The following MYO1B variants were observed in gnomAD, a reference collection of about 807,000 sequenced individuals.
MYO1B encodes the protein myosin IB.
In MYO1B, 72 loss-of-function variants were observed where a neutral mutation model predicts 159.7. The observed-to-expected ratio is 0.45, with a 90% confidence interval of 0.37 to 0.55. The LOEUF is 0.55. Among genes scored for constraint, MYO1B ranks in the 20% least tolerant of loss-of-function variants. The pLI is 0.00. For missense variants in MYO1B, 1,062 were observed against 1,364.8 expected, an observed-to-expected ratio of 0.78 and a Z score of 3.50; for synonymous variants, 468 against 473.8, an observed-to-expected ratio of 0.99 and a Z score of 0.16.
chr2:191,359,235 A>AT (rs372833964), intron 7 of MYO1B, among the ~76,000 whole-genome samples: 1 of 150,024 alleles, frequency 6.7e-6, no homozygotes, highest in Admixed American at 6.6e-5. Flanking sequence ...GAAACATTCC[A>AT]TTTTTTAGAG....
At chr2:191,259,239 C>T (rs1023386136) in intron 1 of MYO1B, among the ~76,000 whole-genome samples, 1 of 152,132 alleles carries the variant, frequency 6.6e-6, no homozygotes, top group African/African-American at 2.4e-5. Context: ...CCGTGGGCTG[C>T]AAGCATAATA....
At chr2:191,406,706 A>G (rs1489985231) in intron 24 of MYO1B, among the ~76,000 whole-genome samples, 1 of 152,220 alleles carries the variant, frequency 6.6e-6, no homozygotes. Context: ...AAATATTGTG[A>G]GAATTATCAA....
At chr2:191,328,430 C>T (rs1183454878) in intron 3 of MYO1B, among the ~76,000 whole-genome samples, 9 of 152,182 alleles carry the variant, frequency 5.9e-5, no homozygotes, top group Admixed American at 5.9e-4. Context: ...TGCAAAGGTG[C>T]TTTATCCCAG....
chr2:191,270,815 G>T (rs1157427325), intron 1 of MYO1B, among the ~76,000 whole-genome samples: 5 of 152,194 alleles, frequency 3.3e-5, no homozygotes, highest in East Asian at 1.9e-4. Context: ...TAGTGATCTT[G>T]TTGGGAGCCA....
At chr2:191,364,371 C>T (rs1264720105) in intron 11 of MYO1B, 95 bp downstream of exon 11, 2 of 966,644 alleles carry the variant, frequency 2.1e-6, no homozygotes, top group Non-Finnish European at 1.6e-6. Flanking sequence ...CAGGCTGTTA[C>T]CTGAATCGTA....
At chr2:191,360,264 T>G (rs899520355) in intron 7 of MYO1B, among the ~76,000 whole-genome samples, 1 of 152,240 alleles carries the variant, frequency 6.6e-6, no homozygotes, top group Non-Finnish European at 1.5e-5. Context: ...TTTATTAAAA[T>G]TACTAGGTAG....
At chr2:191,402,197 G>C (rs1297208751) in intron 23 of MYO1B, 2 of 159,892 alleles carry the variant, frequency 1.3e-5, no homozygotes, top group Non-Finnish European at 2.8e-5. Context: ...TCCATCCAAA[G>C]GGATGAACTC....
intron 30 of MYO1B, among the ~76,000 whole-genome samples, chr2:191,420,299 G>T (rs1463499861): frequency 6.6e-6 from 1 of 152,116 alleles, no homozygotes; most frequent in Admixed American, 6.5e-5. Flanking sequence ...ATTGAAGAAA[G>T]AAAAAATTAC....
Position 191,254,264 on chromosome 2 carries a change from G to T in MYO1B, c.-10+8638G>T, listed in dbSNP as rs546275493. On this transcript the variant is annotated intron_variant, in intron 1 of 30. Transcript: ENST00000392318. ...TTTCGCTCTTGCTGCCCAGGCTGGA[G>T]TGCAGTGGCATAATCTTGGCTCACT... Among the ~76,000 whole-genome samples, 11 of 152,184 alleles carry T rather than the reference G, an allele frequency of 7.2e-5. No individual in the cohort carries two copies. In the East Asian group the frequency reaches 1.7e-3, roughly 24 times the overall value.
At chr2:191,387,917 G>T in intron 17 of MYO1B, 1 of 192,186 alleles carries the variant, frequency 5.2e-6, no homozygotes, top group Non-Finnish European at 1.1e-5. Context: ...TTTCTTCCCT[G>T]TGAGAGGTGT....
At chr2:191,286,839 G>A (rs1284524316) in intron 2 of MYO1B, among the ~76,000 whole-genome samples, 1 of 152,114 alleles carries the variant, frequency 6.6e-6, no homozygotes, top group Non-Finnish European at 1.5e-5. Flanking sequence ...AGGCTGAGGT[G>A]GGAGGATGGC....
At chr2:191,370,316 A>T in intron 13 of MYO1B, 24 bp downstream of exon 13, 1 of 1,557,416 alleles carries the variant, frequency 6.4e-7, no homozygotes, top group Non-Finnish European at 8.9e-7. Context: ...TTTTTTTTGT[A>T]TTGTCTTTAG....
chr2:191,391,696 G>C (rs1421097027), intron 18 of MYO1B, among the ~76,000 whole-genome samples: 1 of 152,068 alleles, frequency 6.6e-6, no homozygotes, highest in Non-Finnish European at 1.5e-5. Flanking sequence ...ACTGTTTCTT[G>C]GTCTCTGCTT....
intron 3 of MYO1B, among the ~76,000 whole-genome samples, chr2:191,322,444 C>T (rs967570561): frequency 3.9e-5 from 6 of 152,078 alleles, no homozygotes; most frequent in Non-Finnish European, 5.9e-5. Flanking sequence ...ACTCTTTGGC[C>T]CAGTTCACAT....
At chr2:191,280,050 A>T (rs73058661) in intron 2 of MYO1B, among the ~76,000 whole-genome samples, 2,196 of 152,146 alleles carry the variant, frequency 0.014, 53 homozygotes, top group African/African-American at 0.05. Flanking sequence ...CCCTCCCCCA[A>T]CATATTTAGA....
chr2:191,400,310 G>T, intron 21 of MYO1B, 72 bp from the exon 22 acceptor site: 1 of 1,474,688 alleles, frequency 6.8e-7, no homozygotes, highest in East Asian at 2.3e-5. Context: ...ATCTCTTCAG[G>T]TTTTTTTTTC....
chr2:191,335,603 G>A (rs907870997), intron 4 of MYO1B, among the ~76,000 whole-genome samples: 1 of 152,134 alleles, frequency 6.6e-6, no homozygotes, highest in African/African-American at 2.4e-5. Context: ...TTGTGTACAT[G>A]TGTTCATTAA....
rs558534298 is a variant in MYO1B, at chr2:191,284,892, C to T, written c.135+7862C>T. On this transcript the variant is annotated intron_variant, in intron 2 of 30. Coordinates refer to ENST00000392318, the MANE Select transcript of MYO1B (RefSeq NM_001130158.3). ...CAAGTGATCCACCAGCCTCGGCCTC[C>T]GAAAGTGCTGGGATTATAGGTGTAA... Among the ~76,000 whole-genome samples the T allele has an allele frequency of 3.4e-4, 52 of 152,228 alleles. 1 individual carries two copies. The highest frequency in any genetic ancestry group is 8.4e-4 in the African/African-American group (35 of 41,546).
At chr2:191,279,044 A>G (rs1485684403) in intron 2 of MYO1B, among the ~76,000 whole-genome samples, 1 of 152,238 alleles carries the variant, frequency 6.6e-6, no homozygotes, top group Non-Finnish European at 1.5e-5. Context: ...CAAAATGCCA[A>G]GTGTTAACAT....
Sources: gnomAD v4.1 joint callset for allele counts (sites outside exome capture counted in the v4.1 genomes callset) on GRCh38, gnomAD v4.1.1 for gene constraint, MANE v1.5 for transcripts, NCBI Gene and HGNC (gene_info 2026-07-23, HGNC 2026-07-21) for gene names.